The following TNS4 variants were observed in gnomAD, a reference collection of about 807,000 sequenced individuals.
TNS4 encodes the protein tensin-4.
Under a neutral mutation model 70.4 loss-of-function variants are expected in TNS4, and 46 were observed. The ratio of observed to expected loss-of-function variants is 0.65; its 90% confidence interval spans 0.52 to 0.84. The LOEUF (loss-of-function observed/expected upper bound fraction) is 0.84, where lower values mean the gene tolerates loss of function less well. Ranked by LOEUF, TNS4 falls within the 40% of genes least tolerant of loss-of-function variation. The pLI is 0.00. For synonymous variants in TNS4, 390 were observed against 366.6 expected (o/e 1.06, Z -0.73); for missense variants, 863 against 907.0 (o/e 0.95, Z 0.62).
At chr17:40,489,181 G>A (rs190368978) in intron 2 of TNS4, among the ~76,000 whole-genome samples, 448 of 152,204 alleles carry the variant, frequency 2.9e-3, no homozygotes, top group African/African-American at 1.0e-2. Context: ...AGATGCAGTA[G>A]GGGACCCAGG....
intron 6 of TNS4, among the ~76,000 whole-genome samples, chr17:40,483,453 G>A (rs1405087930): frequency 6.6e-6 from 1 of 152,082 alleles, no homozygotes; most frequent in Non-Finnish European, 1.5e-5. Context: ...CTCCTGCCTC[G>A]GCCTCCCAAA....
intron 9 of TNS4, 66 bp from the exon 10 acceptor site, chr17:40,479,908 CCAGGGGAGGGGGTGAGTCTCCTGTT>C: frequency 6.6e-7 from 1 of 1,509,038 alleles, no homozygotes. Context: ...CTGCCCAGGG[CCAGGGGAGGGGGTGAGTCTCCTGTT>C]CAGGAATCCA....
rs574862353 is a variant in TNS4, at chr17:40,482,661, C to T, written c.1502-245G>A. On this transcript the variant is annotated intron_variant, in intron 6 of 12. Coordinates refer to ENST00000254051, the MANE Select transcript of TNS4 (RefSeq NM_032865.6). The stretch of plus-strand genomic sequence containing the variant: ...GGGCGTGGTTCACATGCCTGTAGTC[C>T]CAGCTACCCGGGAGGCTGAGGCAGG... 8.0e-4 allele frequency among the ~76,000 whole-genome samples: 121 copies of T among 151,922 alleles called. 1 individual carries two copies. Among genetic ancestry groups the T allele is most frequent in the African/African-American group, 2.8e-3 (118 of 41,436 alleles).
At chr17:40,490,218 G>A (rs1439988243) in intron 2 of TNS4, among the ~76,000 whole-genome samples, 2 of 152,226 alleles carry the variant, frequency 1.3e-5, no homozygotes, top group Non-Finnish European at 2.9e-5. Context: ...GCGCTCCAGC[G>A]CTCTTTCCAC....
At chr17:40,484,795 G>C in intron 5 of TNS4, 126 bp downstream of exon 5, 1 of 1,362,598 alleles carries the variant, frequency 7.3e-7, no homozygotes, top group Non-Finnish European at 1.0e-6. Context: ...GAGGTCAGCA[G>C]GACATCCCCC....
intron 9 of TNS4, chr17:40,480,060 T>C: frequency 3.4e-6 from 2 of 582,408 alleles, no homozygotes; most frequent in Non-Finnish European, 3.0e-6. Flanking sequence ...CCCTGGCCCC[T>C]GGCCCTCCAG....
chr17:40,488,079 T>C (rs1326854002), intron 3 of TNS4, among the ~76,000 whole-genome samples: 1 of 152,230 alleles, frequency 6.6e-6, no homozygotes, highest in East Asian at 1.9e-4. Context: ...GCAGTTCTGC[T>C]GTGAGGTCTA....
chr17:40,496,988 G>A (rs2143831582), intron 1 of TNS4, among the ~76,000 whole-genome samples: 1 of 152,216 alleles, frequency 6.6e-6, no homozygotes, highest in Middle Eastern at 3.4e-3. Flanking sequence ...CATTTTACAG[G>A]GAGAGAACTG....
chr17:40,478,521 C>A (rs1423300406), intron 11 of TNS4, 59 bp downstream of exon 11: 1 of 1,603,922 alleles, frequency 6.2e-7, no homozygotes, highest in African/African-American at 1.3e-5. Context: ...CGGCAGGACG[C>A]CTTGGTGGGC....
At chr17:40,478,698 T>A in intron 10 of TNS4, 50 bp from the exon 11 acceptor site, 3 of 1,591,260 alleles carry the variant, frequency 1.9e-6, no homozygotes, top group Non-Finnish European at 2.6e-6. Context: ...TGTCCCAGTG[T>A]CATCCTGCCT....
intron 2 of TNS4, among the ~76,000 whole-genome samples, chr17:40,493,782 C>T (rs72819659): frequency 0.028 from 4,250 of 152,270 alleles, 83 homozygotes; most frequent in South Asian, 0.048. Flanking sequence ...ATCATGAGCC[C>T]CTTCCGTGGA....
At position 40,482,144 on chromosome 17, in the gene TNS4, T is replaced by C; in HGVS notation, c.1657A>G (p.Thr553Ala). ...IMALALPCKL[T>A]IPQRELGGAD... ...CCAGACCCACCTCTCTGTGGGATGG[T>C]GAGTTTGCAGGGCAGGGCCAGGGCC... The change falls in exon 8 of 13, where the codon ACC (threonine) becomes GCC (alanine). Residue 553 changes from threonine to alanine, a missense_variant. Coordinates refer to ENST00000254051, the MANE Select transcript of TNS4 (RefSeq NM_032865.6). 6.2e-7 allele frequency: 1 copy of C among 1,614,000 alleles called. No homozygotes were observed. Among genetic ancestry groups the C allele is most frequent in the Non-Finnish European group, 8.5e-7 (1 of 1,179,986 alleles).
Position 40,483,436 on chromosome 17 carries a change from A to G in TNS4, c.1502-1020T>C, listed in dbSNP as rs573043191. Among the ~76,000 whole-genome samples the G allele has an allele frequency of 2.6e-5, 4 of 152,268 alleles. No homozygotes were observed. In the South Asian group the frequency reaches 8.3e-4, roughly 32 times the overall value. On this transcript the variant is annotated intron_variant, in intron 6 of 12. Coordinates refer to ENST00000254051, the MANE Select transcript of TNS4 (RefSeq NM_032865.6). ...AGCTGGTCTCAGATTCCTGGGCTCA[A>G]GTGATCCTCCTGCCTCGGCCTCCCA...
rs749085021 is a variant in TNS4 at position 40,488,875 on chromosome 17, G to C, written c.534C>G (p.Ser178=). Residue 178 remains serine, a synonymous_variant, in exon 3 of 13, where the codon TCC becomes TCG. Coordinates refer to ENST00000254051, the MANE Select transcript of TNS4 (RefSeq NM_032865.6). ...SSPSVTPPFG[S]LRSGGLLLSR... Reference sequence around the variant, plus strand: ...AAAGGAGGAGGCCACCACTGCGAAGGGAGCCGAAGGGCGGGGTGACAGAGG... The same window carrying C: ...AAAGGAGGAGGCCACCACTGCGAAGCGAGCCGAAGGGCGGGGTGACAGAGG... 6.2e-7 allele frequency: 1 copy of C among 1,613,580 alleles called. No individual in the cohort carries two copies. The highest frequency in any genetic ancestry group is 1.1e-5 in the South Asian group (1 of 91,058).
chr17:40,488,862 C>T lies in TNS4; in HGVS notation c.547G>A (p.Gly183Ser). ...GGGACGTCTCTGGAAAGGAGGAGGC[C>T]ACCACTGCGAAGGGAGCCGAAGGGC... ...TPPFGSLRSG[G>S]LLLSRDVPRE... Residue 183 changes from glycine (G) to serine (S), a missense_variant, in exon 3 of 13, where the codon GGC becomes AGC. Physicochemically the swap from Gly to Ser is moderately conservative, Grantham distance 56. Coordinates refer to ENST00000254051, the MANE Select transcript of TNS4 (RefSeq NM_032865.6). 1.2e-6 allele frequency: 2 copies of T among 1,613,392 alleles called. No homozygotes were observed. The highest frequency in any genetic ancestry group is 1.7e-6 in the Non-Finnish European group (2 of 1,179,860).
chr17:40,498,096 C>G (rs1247825883), intron 1 of TNS4, among the ~76,000 whole-genome samples: 1 of 152,130 alleles, frequency 6.6e-6, no homozygotes, highest in African/African-American at 2.4e-5. Flanking sequence ...CTGCTGGTCC[C>G]CAGCCCCCAC....
chr17:40,496,156 G>C lies in TNS4; in HGVS notation c.270C>G (p.Thr90=). Residue 90 remains threonine (T), a synonymous_variant, in exon 2 of 13, where the codon ACC becomes ACG. Transcript: ENST00000254051. ...CAATGTAGGAGTCAAGGTCCTCTGG[G>C]GTCCCCAAGGCCTTCTCACCAGGGG... is the stretch of plus-strand genomic sequence containing the variant. ...LPSPGEKALG[T]PEDLDSYIDF... 6.2e-7 allele frequency: 1 copy of C among 1,610,288 alleles called. No homozygotes were observed. The highest frequency in any genetic ancestry group is 1.1e-5 in the South Asian group (1 of 90,624).
chr17:40,479,799 C>T lies in TNS4; in HGVS notation c.1785G>A (p.Leu595=). Residue 595 remains leucine, a synonymous_variant, in exon 10 of 13, where the codon CTG becomes CTA. Coordinates refer to ENST00000254051, the MANE Select transcript of TNS4 (RefSeq NM_032865.6). ...CTTTCTGCACGGCCAGGGCTCCAGT[C>T]AGGGTCTCCACGCTCACTGAGCTCA... ...LYLSSVSVET[L]TGALAVQKAI... 2.5e-6 allele frequency: 4 copies of T among 1,613,844 alleles called. No homozygotes were observed. Among genetic ancestry groups the T allele is most frequent in the Non-Finnish European group, 3.4e-6 (4 of 1,179,974 alleles).
rs775098286 is a variant in TNS4 at position 40,479,784 on chromosome 17, G to A, written c.1800C>T (p.Ala600=). ...VSVETLTGAL[A]VQKAISTTFE... The stretch of plus-strand genomic sequence containing the variant: ...AGGTGGTGGAGATGGCTTTCTGCAC[G>A]GCCAGGGCTCCAGTCAGGGTCTCCA... The change falls in exon 10 of 13, where the codon GCC becomes GCT. Residue 600 remains alanine (A), a synonymous_variant. Transcript: ENST00000254051. 39 of 1,613,968 alleles carry A rather than the reference G, an allele frequency of 2.4e-5. No homozygotes were observed. The highest frequency in any genetic ancestry group is 4.5e-5 in the East Asian group (2 of 44,874).
Sources: gnomAD v4.1 joint callset for allele counts (sites outside exome capture counted in the v4.1 genomes callset) on GRCh38, gnomAD v4.1.1 for gene constraint, MANE v1.5 for transcripts, NCBI Gene and HGNC (gene_info 2026-07-23, HGNC 2026-07-21) for gene names.